Variants in SGCZ observed in about 807,000 individuals in gnomAD.
The protein encoded by SGCZ is zeta-sarcoglycan.
In SGCZ, 40 loss-of-function variants were observed where a neutral mutation model predicts 41.3. The ratio of observed to expected loss-of-function variants is 0.97; its 90% CI spans 0.75 to 1.26. The LOEUF is 1.26. Ranked by LOEUF, SGCZ falls within the 50% of genes most tolerant of loss-of-function variation. SGCZ has a pLI of 0.00. For synonymous variants in SGCZ, 206 were observed against 137.5 expected (o/e 1.50, Z -3.49); for missense variants, 552 against 369.8 (o/e 1.49, Z -4.04).
chr8:14,990,039 G>A (rs1018079747), intron 1 of SGCZ, among the ~76,000 whole-genome samples: 1 of 152,092 alleles, frequency 6.6e-6, no homozygotes, highest in Non-Finnish European at 1.5e-5. Context: ...ACTTTCCTTT[G>A]TTATTTGCTG....
At chr8:14,450,405 AG>A (rs1052608275) in intron 2 of SGCZ, among the ~76,000 whole-genome samples, 1 of 152,226 alleles carries the variant, frequency 6.6e-6, no homozygotes, top group Non-Finnish European at 1.5e-5. Context: ...TAGTCAGCAC[AG>A]CCCAACATAA....
intron 2 of SGCZ, among the ~76,000 whole-genome samples, chr8:14,509,608 A>G (rs561788756): frequency 7.9e-5 from 12 of 152,280 alleles, no homozygotes; most frequent in African/African-American, 2.9e-4. Flanking sequence ...GAAGAACATG[A>G]ACCATCATCT....
At chr8:14,679,997 T>C (rs1364080035) in intron 1 of SGCZ, among the ~76,000 whole-genome samples, 1 of 152,178 alleles carries the variant, frequency 6.6e-6, no homozygotes, top group Non-Finnish European at 1.5e-5. Context: ...GGCTACACCA[T>C]GCAGTCGATG....
At chr8:14,441,293 T>G (rs2117369614) in intron 2 of SGCZ, among the ~76,000 whole-genome samples, 1 of 152,298 alleles carries the variant, frequency 6.6e-6, no homozygotes, top group South Asian at 2.1e-4. Context: ...AACAATCATT[T>G]TGGCCGGGGA....
chr8:14,338,760 A>G (rs1441609224), intron 2 of SGCZ, among the ~76,000 whole-genome samples: 3 of 152,152 alleles, frequency 2.0e-5, no homozygotes, highest in Non-Finnish European at 4.4e-5. Flanking sequence ...TGCCTTTACA[A>G]TAAGTTTTAC....
chr8:14,524,372 A>C (rs1802878326), intron 2 of SGCZ, among the ~76,000 whole-genome samples: 1 of 151,936 alleles, frequency 6.6e-6, no homozygotes, highest in African/African-American at 2.4e-5. Flanking sequence ...ATCTACGTCC[A>C]CACTAGGCTA....
chr8:14,415,489 T>C (rs764349595), intron 2 of SGCZ, among the ~76,000 whole-genome samples: 5 of 151,878 alleles, frequency 3.3e-5, no homozygotes, highest in Non-Finnish European at 5.9e-5. Context: ...CCTGAAAATA[T>C]CAGAGATGAA....
chr8:14,085,969 T>C lies in SGCZ; in HGVS notation c.*4474A>G, dbSNP rs891798105. ...TAATAAATTTCAGTATAAAACAACA[T>C]GAATAACAGTGTTCAATTAAATTAT... On this transcript the variant is annotated 3_prime_UTR_variant, in exon 8 of 8. Coordinates refer to ENST00000382080, the MANE Select transcript of SGCZ (RefSeq NM_139167.4). Among the ~76,000 whole-genome samples, 1 of 151,774 alleles carries C rather than the reference T, an allele frequency of 6.6e-6. No individual in the cohort carries two copies. The highest frequency in any genetic ancestry group is 1.5e-5 in the Non-Finnish European group (1 of 67,798).
intron 1 of SGCZ, among the ~76,000 whole-genome samples, chr8:14,671,812 G>C (rs1015099658): frequency 2.0e-5 from 3 of 151,994 alleles, no homozygotes; most frequent in Admixed American, 2.0e-4. Context: ...TTTTAATTCC[G>C]TATTGAATAT....
intron 1 of SGCZ, among the ~76,000 whole-genome samples, chr8:14,607,227 G>A (rs1477398159): frequency 6.6e-6 from 1 of 152,084 alleles, no homozygotes; most frequent in Non-Finnish European, 1.5e-5. Flanking sequence ...TAAATAAAAT[G>A]TAGTCTTTTG....
At chr8:14,436,165 G>A (rs777748619) in intron 2 of SGCZ, among the ~76,000 whole-genome samples, 3 of 152,060 alleles carry the variant, frequency 2.0e-5, no homozygotes, top group Non-Finnish European at 4.4e-5. Context: ...CCTCTGCCCC[G>A]ACCTCTTGCC....
chr8:14,486,099 A>G (rs992595029), intron 2 of SGCZ, among the ~76,000 whole-genome samples: 3 of 152,180 alleles, frequency 2.0e-5, no homozygotes, highest in Non-Finnish European at 4.4e-5. Flanking sequence ...AATATTTCAA[A>G]AAATATGTAA....
intron 1 of SGCZ, among the ~76,000 whole-genome samples, chr8:15,017,185 T>G (rs1456794743): frequency 6.6e-6 from 1 of 152,220 alleles, no homozygotes; most frequent in Non-Finnish European, 1.5e-5. Context: ...GATACATTTT[T>G]TAACCTTTCC....
At chr8:14,220,539 A>T (rs1295774673) in intron 4 of SGCZ, among the ~76,000 whole-genome samples, 1 of 151,858 alleles carries the variant, frequency 6.6e-6, no homozygotes, top group Non-Finnish European at 1.5e-5. Context: ...CGCCTTTGAG[A>T]TTTGTTTACT....
At chr8:14,956,274 G>A (rs922057396) in intron 1 of SGCZ, among the ~76,000 whole-genome samples, 10 of 151,820 alleles carry the variant, frequency 6.6e-5, no homozygotes, top group Middle Eastern at 3.2e-3. Flanking sequence ...TCTTGACCTC[G>A]TGATCCGCCT....
chr8:15,084,808 G>A (rs188694779), intron 1 of SGCZ, among the ~76,000 whole-genome samples: 1 of 152,170 alleles, frequency 6.6e-6, no homozygotes, highest in East Asian at 1.9e-4. Context: ...TCTAGTGTAA[G>A]AACATATTTT....
intron 1 of SGCZ, among the ~76,000 whole-genome samples, chr8:14,787,016 G>A (rs1800789475): frequency 6.6e-6 from 1 of 152,048 alleles, no homozygotes. Context: ...TTTCCTACAA[G>A]CTCACTGTGA....
chr8:14,612,624 G>C, intron 1 of SGCZ, among the ~76,000 whole-genome samples: 1 of 152,060 alleles, frequency 6.6e-6, no homozygotes, highest in Non-Finnish European at 1.5e-5. Flanking sequence ...ATTTTTATGA[G>C]GACAGGTTTC....
chr8:14,540,737 G>A (rs567102939), intron 2 of SGCZ, among the ~76,000 whole-genome samples: 38 of 151,718 alleles, frequency 2.5e-4, no homozygotes, highest in African/African-American at 7.2e-4. Context: ...TTTGTAAGGC[G>A]TTCTGCTTCA....
Sources: gnomAD v4.1 joint callset for allele counts (sites outside exome capture counted in the v4.1 genomes callset) on GRCh38, gnomAD v4.1.1 for gene constraint, MANE v1.5 for transcripts, NCBI Gene and HGNC (gene_info 2026-07-23, HGNC 2026-07-21) for gene names.